SRSF4: variants seen among roughly 807,000 people sequenced by gnomAD.
SRSF4 encodes serine and arginine rich splicing factor 4, also known as serine/arginine-rich splicing factor 4.
In SRSF4, 12 loss-of-function variants were observed where a neutral mutation model predicts 48.8. The observed-to-expected ratio is 0.25, with a 90% CI of 0.16 to 0.40. SRSF4 has a LOEUF of 0.40. SRSF4 is among the 10% of genes least tolerant of loss of function. The pLI is 1.00. For synonymous variants in SRSF4, 248 were observed against 232.5 expected (o/e 1.07, Z -0.61); for missense variants, 466 against 667.1 (o/e 0.70, Z 3.32).
At chr1:29,158,736 T>A (rs1349794957) in intron 3 of SRSF4, among the ~76,000 whole-genome samples, 1 of 151,996 alleles carries the variant, frequency 6.6e-6, no homozygotes, top group Non-Finnish European at 1.5e-5. Flanking sequence ...AGGCCAGGAG[T>A]TCGAGACCAG....
At chr1:29,156,337 A>G (rs1457494097) in intron 3 of SRSF4, among the ~76,000 whole-genome samples, 2 of 146,364 alleles carry the variant, frequency 1.4e-5, no homozygotes, top group Non-Finnish European at 3.0e-5. Flanking sequence ...CAGGCGACAG[A>G]GCAAGACCTT....
intron 1 of SRSF4, among the ~76,000 whole-genome samples, chr1:29,178,898 G>A (rs915509471): frequency 6.6e-6 from 1 of 152,162 alleles, no homozygotes; most frequent in Non-Finnish European, 1.5e-5. Context: ...ATTCCTCAAT[G>A]ATGCCAGGAG....
chr1:29,162,647 C>T (rs1029484540), intron 1 of SRSF4, among the ~76,000 whole-genome samples: 1 of 152,212 alleles, frequency 6.6e-6, no homozygotes, highest in Non-Finnish European at 1.5e-5. Context: ...GGACATTTGG[C>T]CTGGGCGTGA....
chr1:29,167,937 T>C (rs1055934774), intron 1 of SRSF4, among the ~76,000 whole-genome samples: 1 of 151,786 alleles, frequency 6.6e-6, no homozygotes. Context: ...AAGGAGCTCA[T>C]GAGTGAAGGA....
At chr1:29,163,149 A>C (rs1672623624) in intron 1 of SRSF4, among the ~76,000 whole-genome samples, 1 of 152,240 alleles carries the variant, frequency 6.6e-6, no homozygotes. Context: ...CTTGAGTTAC[A>C]GGGACAACTG....
At chr1:29,176,198 G>A (rs540730795) in intron 1 of SRSF4, among the ~76,000 whole-genome samples, 1 of 152,138 alleles carries the variant, frequency 6.6e-6, no homozygotes, top group Non-Finnish European at 1.5e-5. Flanking sequence ...GTTGCAGTGA[G>A]CTGAGATTGT....
intron 1 of SRSF4, chr1:29,168,506 G>A (rs1021569273): frequency 2.6e-5 from 4 of 152,150 alleles, no homozygotes; most frequent in Non-Finnish European, 5.9e-5. Flanking sequence ...AATTGACCTT[G>A]GGGCAGGGTG....
At chr1:29,156,860 A>G (rs1672508428) in intron 3 of SRSF4, among the ~76,000 whole-genome samples, 1 of 152,224 alleles carries the variant, frequency 6.6e-6, no homozygotes, top group East Asian at 1.9e-4. Context: ...TGGAGGCTGC[A>G]AAAGGCTCAG....
chr1:29,154,185 G>A (rs1558387536), intron 4 of SRSF4, among the ~76,000 whole-genome samples: 2 of 152,048 alleles, frequency 1.3e-5, no homozygotes, highest in Admixed American at 6.6e-5. Flanking sequence ...TTCTGCCTCC[G>A]CCTCCCGAGT....
Position 29,148,870 on chromosome 1 carries a change from C to T in SRSF4, c.1025G>A (p.Ser342Asn). The T allele has an allele frequency of 6.2e-7, 1 of 1,604,406 alleles. No individual in the cohort carries two copies. Among genetic ancestry groups the T allele is most frequent in the Non-Finnish European group, 8.5e-7 (1 of 1,172,486 alleles). ...SRSRSKGGSR[S>N]RSRSRSKSKD... ...GCTCTTGCTGCGGCTCCTGCTCCGG[C>T]TCCTGCTGCCCCCTTTGCTCCTGCT... The change falls in exon 6 of 6, where the codon AGC (serine) becomes AAC (asparagine). Residue 342 changes from serine (S) to asparagine (N), a missense_variant. Ser to Asn is a conservative substitution (Grantham distance 46). This residue lies in a region of SRSF4 where 402 missense variants were observed against 437.0 expected (regional missense o/e 0.92). Transcript: ENST00000373795.
intron 1 of SRSF4, among the ~76,000 whole-genome samples, chr1:29,162,454 G>T (rs1311963281): frequency 6.6e-6 from 1 of 151,994 alleles, no homozygotes; most frequent in Non-Finnish European, 1.5e-5. Context: ...TTCTTTTAAG[G>T]CAAATAAAAA....
At chr1:29,181,397 G>A (rs1164657370) in intron 1 of SRSF4, among the ~76,000 whole-genome samples, 3 of 152,112 alleles carry the variant, frequency 2.0e-5, no homozygotes. Context: ...GCCCCACTCG[G>A]GCTTTCCTTC....
intron 1 of SRSF4, among the ~76,000 whole-genome samples, chr1:29,176,721 G>C (rs1029697886): frequency 1.3e-5 from 2 of 152,134 alleles, no homozygotes; most frequent in Non-Finnish European, 2.9e-5. Flanking sequence ...CACTCGAAGA[G>C]TCTTGAACTC....
intron 1 of SRSF4, chr1:29,173,593 CAAGTGCCACCATACCCA>C (rs1558393139): frequency 6.9e-6 from 1 of 145,718 alleles, no homozygotes; most frequent in Non-Finnish European, 1.5e-5. Flanking sequence ...GGGATTACAG[CAAGTGCCACCATACCCA>C]GCTAATTTTT....
chr1:29,156,344 C>T (rs1161682491), intron 3 of SRSF4, among the ~76,000 whole-genome samples: 1 of 125,670 alleles, frequency 8.0e-6, no homozygotes. Flanking sequence ...CAGAGCAAGA[C>T]CTTCGTCTCA....
At position 29,154,968 on chromosome 1, in the gene SRSF4, C is replaced by T. The variant is rs1452740723; in HGVS notation, c.364-58G>A. 6.1e-6 allele frequency: 9 copies of T among 1,470,182 alleles called. No homozygotes were observed. In the South Asian group the frequency reaches 8.6e-5, roughly 14 times the overall value. 91.1% of individuals were successfully genotyped at this position (1,470,182 alleles called of 1,614,324 possible). A position where few individuals can be genotyped will look rare whatever the true frequency, so the allele number is the denominator to read the frequency against. On this transcript the variant is annotated intron_variant, in intron 3 of 5. Transcript: ENST00000373795. ...ATATGTTTTGCTAAAATATCTAATG[C>T]AATCATCTGAGTGAATTTTTCCTTT...
In SRSF4 at chr1:29,181,756, G is replaced by A. The variant is rs374989229; in HGVS notation, c.-4C>T. On this transcript the variant is annotated 5_prime_UTR_variant, in exon 1 of 6. Transcript: ENST00000373795. ...GGCCGATGTACACCCGCGGCATCCC[G>A]GCAACGGCAGTGATGGCTGGCCCCG... is the stretch of plus-strand genomic sequence containing the variant. 197 of 1,573,346 alleles carry A rather than the reference G, an allele frequency of 1.3e-4. 1 individual carries two copies. The highest frequency in any genetic ancestry group is 1.6e-4 in the Non-Finnish European group (183 of 1,164,714).
chr1:29,179,512 A>C (rs534793641), intron 1 of SRSF4, among the ~76,000 whole-genome samples: 2 of 152,144 alleles, frequency 1.3e-5, no homozygotes, highest in Admixed American at 6.6e-5. Flanking sequence ...GGCGAGTGTC[A>C]CCACGCGTGG....
In SRSF4 at chr1:29,160,379, T is replaced by C; in HGVS notation, c.246A>G (p.Gly82=). 6.2e-7 allele frequency: 1 copy of C among 1,613,198 alleles called. No individual in the cohort carries two copies. The highest frequency in any genetic ancestry group is 1.1e-5 in the South Asian group (1 of 90,930). Residue 82 remains glycine, a synonymous_variant, in exon 2 of 6, where the codon GGA becomes GGG. Coordinates refer to ENST00000373795, the MANE Select transcript of SRSF4 (RefSeq NM_005626.5). The part of the protein sequence containing the change: ...GPRRDGSYGS[G]RSGYGYRRSG... ...GTATGCCCTTTGAATGCTTACTGCG[T>C]CCAGAACCGTAACTGCCATCTCGCC...
Sources: gnomAD v4.1 joint callset for allele counts (sites outside exome capture counted in the v4.1 genomes callset) on GRCh38, gnomAD v4.1.1 for gene constraint, gnomAD v4.1.1 regional missense constraint, MANE v1.5 for transcripts, NCBI Gene and HGNC (gene_info 2026-07-23, HGNC 2026-07-21) for gene names.